The following CACNA2D3 variants were observed in gnomAD, a reference collection of about 807,000 sequenced individuals.
CACNA2D3 encodes calcium voltage-gated channel auxiliary subunit alpha2delta 3.
CACNA2D3 carries 60 observed loss-of-function variants against 160.6 expected under a neutral mutation model. That is an observed-to-expected ratio of 0.37 (90% confidence interval 0.30 to 0.46). The LOEUF is 0.46. Ranked by LOEUF, CACNA2D3 falls within the 20% of genes least tolerant of loss-of-function variation. The pLI is 1.00. For synonymous variants in CACNA2D3, 558 were observed against 492.9 expected, an observed-to-expected ratio of 1.13 and a Z score of -1.75; for missense variants, 1,205 against 1,365.0, an observed-to-expected ratio of 0.88 and a Z score of 1.85.
chr3:54,716,655 C>T (rs539973583), intron 11 of CACNA2D3, among the ~76,000 whole-genome samples: 3 of 152,210 alleles, frequency 2.0e-5, no homozygotes, highest in Admixed American at 6.5e-5. Context: ...AGGGTGGCCC[C>T]TGTCGAGACA....
At chr3:54,401,109 A>T (rs1699454287) in intron 4 of CACNA2D3, among the ~76,000 whole-genome samples, 1 of 152,076 alleles carries the variant, frequency 6.6e-6, no homozygotes, top group South Asian at 2.1e-4. Context: ...AAAAACTATA[A>T]TAGAAAACTT....
At chr3:54,341,157 C>T (rs1391167850) in intron 3 of CACNA2D3, among the ~76,000 whole-genome samples, 1 of 152,214 alleles carries the variant, frequency 6.6e-6, no homozygotes, top group African/African-American at 2.4e-5. Context: ...ATCACATGAG[C>T]TAATACTTCT....
Position 54,146,596 on chromosome 3 carries a change from G to A in CACNA2D3, c.204+23002G>A, listed in dbSNP as rs58318869. The stretch of plus-strand genomic sequence containing the variant: ...GGGCTGACACAGGAATGTGGGGAAG[G>A]GGGGCGTGGCCTAGTGTGTCTCTTT... On this transcript the variant is annotated intron_variant, in intron 2 of 37. Transcript: ENST00000474759. 6.6e-3 allele frequency among the ~76,000 whole-genome samples: 1,009 copies of A among 152,318 alleles called. 8 individuals carry two copies. Among genetic ancestry groups the A allele is most frequent in the African/African-American group, 0.02 (851 of 41,574 alleles).
intron 17 of CACNA2D3, among the ~76,000 whole-genome samples, chr3:54,854,225 C>G (rs1246139740): frequency 6.6e-6 from 1 of 152,122 alleles, no homozygotes; most frequent in African/African-American, 2.4e-5. Context: ...ACGTAGCGAG[C>G]CTGTTCTTTT....
intron 2 of CACNA2D3, among the ~76,000 whole-genome samples, chr3:54,276,832 C>T (rs1702752914): frequency 6.6e-6 from 1 of 152,180 alleles, no homozygotes; most frequent in Non-Finnish European, 1.5e-5. Context: ...AAACCCATCT[C>T]TAGGCTAGAG....
intron 23 of CACNA2D3, among the ~76,000 whole-genome samples, chr3:54,887,391 C>T (rs1037866119): frequency 1.3e-5 from 2 of 152,036 alleles, no homozygotes; most frequent in African/African-American, 4.8e-5. Flanking sequence ...TGTACTACTG[C>T]ACTCCAGTCT....
intron 10 of CACNA2D3, among the ~76,000 whole-genome samples, chr3:54,630,611 C>G (rs760488827): frequency 6.6e-6 from 1 of 152,148 alleles, no homozygotes; most frequent in Non-Finnish European, 1.5e-5. Flanking sequence ...TATATCATAC[C>G]ATCATCTCCG....
At chr3:54,714,446 T>G (rs553228459) in intron 11 of CACNA2D3, among the ~76,000 whole-genome samples, 4 of 152,128 alleles carry the variant, frequency 2.6e-5, no homozygotes, top group Admixed American at 6.5e-5. Flanking sequence ...AGGATTCAGC[T>G]TTTTCAGTCC....
chr3:54,822,121 C>A lies in CACNA2D3; in HGVS notation c.1398+5251C>A, dbSNP rs549260923. On this transcript the variant is annotated intron_variant, in intron 14 of 37. Transcript: ENST00000474759. ...ACTATTACATCTTGTTTTGAAAACCCTATTTTTCTCCTTATCATTTACTAT... is the reference window on the plus strand; with the variant it reads ...ACTATTACATCTTGTTTTGAAAACCATATTTTTCTCCTTATCATTTACTAT... Among the ~76,000 whole-genome samples the A allele has an allele frequency of 2.0e-5, 3 of 152,258 alleles. No individual in the cohort carries two copies. The East Asian group carries it at 5.8e-4, about 29-fold the overall frequency.
intron 27 of CACNA2D3, among the ~76,000 whole-genome samples, chr3:54,930,750 G>T (rs1246144552): frequency 2.0e-5 from 3 of 152,194 alleles, no homozygotes; most frequent in East Asian, 3.9e-4. Flanking sequence ...AGGCAGGGAG[G>T]ATCAAGTGAT....
intron 2 of CACNA2D3, among the ~76,000 whole-genome samples, chr3:54,180,653 G>T (rs1373233566): frequency 1.3e-5 from 2 of 152,166 alleles, no homozygotes; most frequent in African/African-American, 4.8e-5. Flanking sequence ...TGTAGTTTCT[G>T]TCTTGTCTTC....
At chr3:54,808,097 C>G (rs982651772) in intron 13 of CACNA2D3, among the ~76,000 whole-genome samples, 4 of 149,558 alleles carry the variant, frequency 2.7e-5, no homozygotes, top group African/African-American at 9.8e-5. Flanking sequence ...GGAGATATAC[C>G]TAATGCTAAA....
intron 4 of CACNA2D3, among the ~76,000 whole-genome samples, chr3:54,484,283 T>C (rs1700979598): frequency 1.3e-5 from 2 of 152,216 alleles, no homozygotes; most frequent in Admixed American, 1.3e-4. Flanking sequence ...TTCTCCTTCC[T>C]ATTCTCCATG....
At chr3:54,495,056 G>T (rs1701181977) in intron 4 of CACNA2D3, among the ~76,000 whole-genome samples, 1 of 152,216 alleles carries the variant, frequency 6.6e-6, no homozygotes, top group Non-Finnish European at 1.5e-5. Flanking sequence ...GCTGTGGGAA[G>T]AAGTGCTGCT....
chr3:54,289,928 C>T (rs1703142890), intron 2 of CACNA2D3, among the ~76,000 whole-genome samples: 1 of 151,986 alleles, frequency 6.6e-6, no homozygotes, highest in Non-Finnish European at 1.5e-5. Flanking sequence ...TAAAGATTTA[C>T]ATGTTAGACC....
intron 13 of CACNA2D3, among the ~76,000 whole-genome samples, chr3:54,787,126 A>G (rs911084770): frequency 2.0e-5 from 3 of 152,130 alleles, no homozygotes; most frequent in African/African-American, 7.2e-5. Flanking sequence ...ATTTGAGGGA[A>G]TATTCAGTAC....
At chr3:54,619,549 A>G (rs1399055964) in intron 9 of CACNA2D3, among the ~76,000 whole-genome samples, 2 of 152,188 alleles carry the variant, frequency 1.3e-5, no homozygotes, top group South Asian at 4.1e-4. Flanking sequence ...AGACACATCA[A>G]TTTGTTACAC....
rs370946415 is a variant in CACNA2D3 at position 54,570,119 on chromosome 3, T to C, written c.888+15T>C. 120 of 1,608,602 alleles carry C rather than the reference T, an allele frequency of 7.5e-5. No homozygotes were observed. In the Middle Eastern group the frequency reaches 8.3e-4, roughly 11 times the overall value. On this transcript the variant is annotated intron_variant, in intron 8 of 37. Coordinates refer to ENST00000474759, the MANE Select transcript of CACNA2D3 (RefSeq NM_018398.3). Reference sequence around the variant, plus strand: ...ACATAATTGCTGTGAGTGCACCGTTTTGTGCCTTCTTTGCACTTGGGTTCA... The same window carrying C: ...ACATAATTGCTGTGAGTGCACCGTTCTGTGCCTTCTTTGCACTTGGGTTCA...
chr3:54,998,967 C>T (rs1304676575), intron 31 of CACNA2D3, among the ~76,000 whole-genome samples: 2 of 152,046 alleles, frequency 1.3e-5, no homozygotes, highest in East Asian at 1.9e-4. Context: ...AGGATGGTCT[C>T]GATCTCCTGA....
Sources: gnomAD v4.1 joint callset for allele counts (sites outside exome capture counted in the v4.1 genomes callset) on GRCh38, gnomAD v4.1.1 for gene constraint, MANE v1.5 for transcripts, NCBI Gene and HGNC (gene_info 2026-07-23, HGNC 2026-07-21) for gene names.